Variants in ABRAXAS1 observed in about 807,000 individuals in gnomAD.
ABRAXAS1 encodes BRCA1-A complex subunit Abraxas 1.
ABRAXAS1 carries 26 observed loss-of-function variants against 38.4 expected under a neutral mutation model. That is an observed-to-expected ratio of 0.68 (90% CI 0.50 to 0.94). ABRAXAS1 has a LOEUF of 0.94. ABRAXAS1 is among the 40% of genes least tolerant of loss of function. The pLI is 0.00. For missense variants in ABRAXAS1, 438 were observed against 481.9 expected (o/e 0.91, Z 0.85); for synonymous variants, 144 against 165.5 (o/e 0.87, Z 1.00).
Position 83,459,656 on chromosome 4 carries a change from C to A in ABRAXAS1, c.*2813G>T. 1 of 1,211,626 alleles carries A rather than the reference C, an allele frequency of 8.3e-7. No individual in the cohort carries two copies. Among genetic ancestry groups the A allele is most frequent in the Non-Finnish European group, 1.2e-6 (1 of 835,992 alleles). The allele number at this position is 1,211,626 out of a possible 1,614,324, so 75.1% of individuals were successfully genotyped here. A position where few individuals can be genotyped will look rare whatever the true frequency, so the allele number is the denominator to read the frequency against. Reference sequence around the variant, plus strand: ...GAAATTTAGTAAAGCTTTATATAACCTGAAGGTTGTTTTTTGAAATTTACA... The same window carrying A: ...GAAATTTAGTAAAGCTTTATATAACATGAAGGTTGTTTTTTGAAATTTACA... On this transcript the variant is annotated 3_prime_UTR_variant, in exon 9 of 9. Transcript: ENST00000321945.
At position 83,477,175 on chromosome 4, in the gene ABRAXAS1, T is replaced by C. The variant is rs189534747; in HGVS notation, c.179-496A>G. On this transcript the variant is annotated intron_variant, in intron 2 of 8. Transcript: ENST00000321945. ...GTGATAATCCAACATTTAAAATAACTGGAGCAAATACCTTAGAGCTTAGCA... is the reference window on the plus strand; with the variant it reads ...GTGATAATCCAACATTTAAAATAACCGGAGCAAATACCTTAGAGCTTAGCA... Among the ~76,000 whole-genome samples, 104 of 152,308 alleles carry C rather than the reference T, an allele frequency of 6.8e-4. 1 individual carries two copies. The highest frequency in any genetic ancestry group is 2.4e-3 in the African/African-American group (100 of 41,582).
chr4:83,469,310 A>C (rs1700220885), intron 5 of ABRAXAS1, 159 bp from the exon 6 acceptor site: 1 of 640,898 alleles, frequency 1.6e-6, no homozygotes, highest in Non-Finnish European at 2.7e-6. Flanking sequence ...CTGACTTGAA[A>C]CAACTGTTTT....
intron 5 of ABRAXAS1, 164 bp from the exon 6 acceptor site, chr4:83,469,315 TG>T: frequency 1.0e-5 from 6 of 600,442 alleles, no homozygotes; most frequent in Non-Finnish European, 1.4e-5. Context: ...TTGAAACAAC[TG>T]TTTTTTTTTT....
At chr4:83,475,787 C>T (rs569454420) in intron 3 of ABRAXAS1, among the ~76,000 whole-genome samples, 1 of 152,052 alleles carries the variant, frequency 6.6e-6, no homozygotes, top group Non-Finnish European at 1.5e-5. Context: ...TACTTTTCTA[C>T]GTGTATGTTA....
intron 7 of ABRAXAS1, among the ~76,000 whole-genome samples, chr4:83,464,921 T>G (rs1427644912): frequency 6.6e-6 from 1 of 152,206 alleles, no homozygotes; most frequent in Non-Finnish European, 1.5e-5. Context: ...TGCCTACAGT[T>G]CTTATGATAT....
In ABRAXAS1 at chr4:83,461,670, A is replaced by G. The variant is rs1246323238; in HGVS notation, c.*799T>C. 3.9e-6 allele frequency: 1 copy of G among 258,718 alleles called. No individual in the cohort carries two copies. Among genetic ancestry groups the G allele is most frequent in the African/African-American group, 2.2e-5 (1 of 46,212 alleles). The allele number at this position is 258,718 out of a possible 1,614,324, so 16.0% of individuals were successfully genotyped here. A position where few individuals can be genotyped will look rare whatever the true frequency, so the allele number is the denominator to read the frequency against. Reference sequence around the variant, plus strand: ...GATTTACACCTAATAGACATTGAATATGATAGACATACATGTATATATGTA... The same window carrying G: ...GATTTACACCTAATAGACATTGAATGTGATAGACATACATGTATATATGTA... On this transcript the variant is annotated 3_prime_UTR_variant, in exon 9 of 9. Transcript: ENST00000321945.
chr4:83,483,456 A>T (rs1723065665), intron 1 of ABRAXAS1, among the ~76,000 whole-genome samples: 1 of 151,716 alleles, frequency 6.6e-6, no homozygotes, highest in South Asian at 2.1e-4. Flanking sequence ...AATTTTTAAA[A>T]TTTTTTTGTA....
intron 5 of ABRAXAS1, chr4:83,469,670 T>C (rs1722507813): frequency 6.3e-6 from 1 of 158,510 alleles, no homozygotes; most frequent in Non-Finnish European, 1.4e-5. Flanking sequence ...GATTAGTACA[T>C]GTATAAATAA....
intron 7 of ABRAXAS1, among the ~76,000 whole-genome samples, chr4:83,466,643 C>T (rs1722369752): frequency 6.6e-6 from 1 of 151,820 alleles, no homozygotes; most frequent in Non-Finnish European, 1.5e-5. Context: ...TCACGCCATT[C>T]TCCTGCCTCA....
At chr4:83,468,482 ATTAC>A (rs533599983) in intron 6 of ABRAXAS1, among the ~76,000 whole-genome samples, 12 of 152,090 alleles carry the variant, frequency 7.9e-5, no homozygotes, top group Non-Finnish European at 1.8e-4. Context: ...TGTTTTTGAC[ATTAC>A]TTCCTTACTT....
At chr4:83,465,269 C>T (rs1722304517) in intron 7 of ABRAXAS1, among the ~76,000 whole-genome samples, 2 of 128,656 alleles carry the variant, frequency 1.6e-5, no homozygotes, top group Admixed American at 2.1e-4. Flanking sequence ...CATTGCACTC[C>T]AGTCCAGGCG....
Position 83,471,189 on chromosome 4 carries a change from A to ATTTTTTTT in ABRAXAS1, c.283-794_283-793insAAAAAAAA, listed in dbSNP as rs1560575138. Reference sequence around the variant, plus strand: ...GCCAAACATATTTGTTGAAAGAAACATCTTTTTTTTTTTTTTTTTTTTTTT... The same window carrying ATTTTTTTT: ...GCCAAACATATTTGTTGAAAGAAACATTTTTTTTTCTTTTTTTTTTTTTTTTTTTTTTT... On this transcript the variant is annotated intron_variant, in intron 4 of 8. Transcript: ENST00000321945. Among the ~76,000 whole-genome samples, 19 of 124,102 alleles carry ATTTTTTTT rather than the reference A, an allele frequency of 1.5e-4. 3 individuals carry two copies. Among genetic ancestry groups the ATTTTTTTT allele is most frequent in the Non-Finnish European group, 2.2e-4 (13 of 59,630 alleles). The allele number at this position is 124,102 out of a possible 152,430, so 81.4% of individuals were successfully genotyped here.
rs901205401 is a variant in ABRAXAS1 at position 83,481,713 on chromosome 4, C to T, written c.178+441G>A. Among the ~76,000 whole-genome samples, 3 of 152,108 alleles carry T rather than the reference C, an allele frequency of 2.0e-5. No homozygotes were observed. The East Asian group carries it at 5.8e-4, about 29-fold the overall frequency. ...AATTTTAACTGCAAAATGAGTACAA[C>T]ATATCCTTTTAAATTATTTTAAAAT... On this transcript the variant is annotated intron_variant, in intron 2 of 8. Coordinates refer to ENST00000321945, the MANE Select transcript of ABRAXAS1 (RefSeq NM_139076.3).
At position 83,476,691 on chromosome 4, in the gene ABRAXAS1, G is replaced by A; in HGVS notation, c.179-12C>T. On this transcript the variant is annotated splice_polypyrimidine_tract_variant and intron_variant, in intron 2 of 8. Coordinates refer to ENST00000321945, the MANE Select transcript of ABRAXAS1 (RefSeq NM_139076.3). ...ATATTTCTGAATGTCTGGAAGAAAA[G>A]GATTTTTAGTTATGATTACATTAAT... 1 of 1,531,568 alleles carries A rather than the reference G, an allele frequency of 6.5e-7. No homozygotes were observed. Among genetic ancestry groups the A allele is most frequent in the Non-Finnish European group, 9.0e-7 (1 of 1,107,952 alleles). The allele number at this position is 1,531,568 out of a possible 1,614,324, so 94.9% of individuals were successfully genotyped here.
At chr4:83,469,207 TA>T in intron 5 of ABRAXAS1, 56 bp from the exon 6 acceptor site, 3 of 1,471,848 alleles carry the variant, frequency 2.0e-6, no homozygotes, top group Non-Finnish European at 2.8e-6. Context: ...GATTAGTATC[TA>T]CCTGCTGGAA....
intron 7 of ABRAXAS1, among the ~76,000 whole-genome samples, chr4:83,465,526 A>C (rs537429173): frequency 6.6e-6 from 1 of 152,240 alleles, no homozygotes; most frequent in East Asian, 1.9e-4. Flanking sequence ...GGTGGCTCAC[A>C]CCTGTAATCC....
chr4:83,462,080 A>G lies in ABRAXAS1; in HGVS notation c.*389T>C. ...GCTTTTCCATTTTATTTTTTAATAG[A>G]CATGGTCTCAATACGTTGCCCAGGC... is the stretch of plus-strand genomic sequence containing the variant. On this transcript the variant is annotated 3_prime_UTR_variant, in exon 9 of 9. Coordinates refer to ENST00000321945, the MANE Select transcript of ABRAXAS1 (RefSeq NM_139076.3). The G allele has an allele frequency of 4.3e-6, 1 of 234,942 alleles. No individual in the cohort carries two copies. The highest frequency in any genetic ancestry group is 6.1e-5 in the East Asian group (1 of 16,282). The allele number at this position is 234,942 out of a possible 1,614,324, so 14.6% of individuals were successfully genotyped here.
At position 83,462,195 on chromosome 4, in the gene ABRAXAS1, A is replaced by G. The variant is rs1228930848; in HGVS notation, c.*274T>C. The stretch of plus-strand genomic sequence containing the variant: ...GGTGTGAGCCACTGTGCCTGGTCTC[A>G]CTTTTCCAATTCTAAAGAATGTGTC... On this transcript the variant is annotated 3_prime_UTR_variant, in exon 9 of 9. Coordinates refer to ENST00000321945, the MANE Select transcript of ABRAXAS1 (RefSeq NM_139076.3). The G allele has an allele frequency of 1.0e-5, 4 of 382,082 alleles. No homozygotes were observed. Among genetic ancestry groups the G allele is most frequent in the Middle Eastern group, 1.4e-3 (2 of 1,416 alleles). 23.7% of individuals were successfully genotyped at this position (382,082 alleles called of 1,614,324 possible). A position where few individuals can be genotyped will look rare whatever the true frequency, so the allele number is the denominator to read the frequency against.
Position 83,468,400 on chromosome 4 carries a change from AAAGT to A in ABRAXAS1, c.596+628_596+631del, listed in dbSNP as rs528976336. On this transcript the variant is annotated intron_variant, in intron 6 of 8. Coordinates refer to ENST00000321945, the MANE Select transcript of ABRAXAS1 (RefSeq NM_139076.3). ...AAACTGCTGGCACTGTGGGGACACAAAAGTAAGTAAAATCTAACCCCTTATTCTC... is the reference window on the plus strand; with the variant it reads ...AAACTGCTGGCACTGTGGGGACACAAAAGTAAAATCTAACCCCTTATTCTC... Among the ~76,000 whole-genome samples, 850 of 152,220 alleles carry A rather than the reference AAAGT, an allele frequency of 5.6e-3. 9 individuals are homozygous for A. The highest frequency in any genetic ancestry group is 0.019 in the African/African-American group (784 of 41,548).
Sources: gnomAD v4.1 joint callset for allele counts (sites outside exome capture counted in the v4.1 genomes callset) on GRCh38, gnomAD v4.1.1 for gene constraint, MANE v1.5 for transcripts, NCBI Gene and HGNC (gene_info 2026-07-23, HGNC 2026-07-21) for gene names.